Variants in ZFHX4 observed in about 807,000 individuals in gnomAD.
ZFHX4 encodes the protein zinc finger homeobox protein 4.
ZFHX4 carries 56 observed loss-of-function variants against 267.6 expected under a neutral mutation model. The ratio of observed to expected loss-of-function variants is 0.21; its 90% CI spans 0.17 to 0.26. The LOEUF (loss-of-function observed/expected upper bound fraction) is 0.26, where lower values mean the gene tolerates loss of function less well. ZFHX4 is among the 10% of genes least tolerant of loss of function. The probability of loss-of-function intolerance (pLI) is 1.00; values close to 1 mark genes in which losing one functional copy is unlikely to be tolerated. For synonymous variants in ZFHX4, 1,778 were observed against 1,665.6 expected, an observed-to-expected ratio of 1.07 and a Z score of -1.64; for missense variants, 4,332 against 4,420.0, an observed-to-expected ratio of 0.98 and a Z score of 0.56.
At chr8:76,700,864 T>C (rs557049495) in intron 1 of ZFHX4, among the ~76,000 whole-genome samples, 2 of 152,300 alleles carry the variant, frequency 1.3e-5, no homozygotes, top group African/African-American at 4.8e-5. Flanking sequence ...GAACAGAAGT[T>C]GGTGAACACT....
At chr8:76,721,791 G>A (rs1808727852) in intron 3 of ZFHX4, among the ~76,000 whole-genome samples, 1 of 152,106 alleles carries the variant, frequency 6.6e-6, no homozygotes. Context: ...ATAATGTACA[G>A]TAACAGTATA....
At chr8:76,776,869 G>A (rs888459820) in intron 3 of ZFHX4, among the ~76,000 whole-genome samples, 3 of 152,034 alleles carry the variant, frequency 2.0e-5, no homozygotes, top group African/African-American at 7.2e-5. Flanking sequence ...GTTTGGAAAG[G>A]CTCACCAGCT....
chr8:76,708,070 C>T (rs564700148), intron 3 of ZFHX4, 22 bp downstream of exon 3: 16 of 1,611,112 alleles, frequency 9.9e-6, no homozygotes, highest in East Asian at 8.9e-5. Context: ...CATCCATTTC[C>T]GTTGGCACAG....
chr8:76,751,860 G>A (rs1809622544), intron 3 of ZFHX4, among the ~76,000 whole-genome samples: 1 of 152,134 alleles, frequency 6.6e-6, no homozygotes, highest in African/African-American at 2.4e-5. Flanking sequence ...AAGAGTGGTG[G>A]TTCCAACAGT....
chr8:76,743,167 A>G (rs1809366097), intron 3 of ZFHX4, among the ~76,000 whole-genome samples: 1 of 152,230 alleles, frequency 6.6e-6, no homozygotes, highest in African/African-American at 2.4e-5. Context: ...AGAGTTTGCC[A>G]CTAACACAGC....
In ZFHX4 at chr8:76,852,664, A is replaced by G; in HGVS notation, c.5743A>G (p.Asn1915Asp). Residue 1915 changes from asparagine to aspartate, a missense_variant, in exon 10 of 11, where the codon AAC becomes GAC. Asn to Asp is a conservative substitution (Grantham distance 23). Coordinates refer to ENST00000651372, the MANE Select transcript of ZFHX4 (RefSeq NM_024721.5). Reference protein sequence around the residue: ...RGNAAKALLENFGFELVIQYN... With the variant: ...RGNAAKALLEDFGFELVIQYN... ...AAATGCTGCCAAAGCGTTATTGGAA[A>G]ACTTTGGTTTTGAACTGGTCATTCA... The G allele has an allele frequency of 1.2e-6, 2 of 1,613,846 alleles. No homozygotes were observed. The highest frequency in any genetic ancestry group is 1.7e-6 in the Non-Finnish European group (2 of 1,179,832).
rs949907565 is a variant in ZFHX4 at position 76,864,620 on chromosome 8, A to T, written c.*55A>T. ...AATAAAAAATAAAAAAATAAAAAAA[A>T]AATAAGACTTTAACTGCAGTTCCAA... On this transcript the variant is annotated 3_prime_UTR_variant, in exon 11 of 11. Coordinates refer to ENST00000651372, the MANE Select transcript of ZFHX4 (RefSeq NM_024721.5). 184 of 1,294,642 alleles carry T rather than the reference A, an allele frequency of 1.4e-4. No individual in the cohort carries two copies. The highest frequency in any genetic ancestry group is 1.8e-4 in the Non-Finnish European group (173 of 978,410). 80.2% of individuals were successfully genotyped at this position (1,294,642 alleles called of 1,614,324 possible).
intron 1 of ZFHX4, among the ~76,000 whole-genome samples, chr8:76,684,880 C>T (rs1392570169): frequency 6.6e-6 from 1 of 152,146 alleles, no homozygotes; most frequent in South Asian, 2.1e-4. Context: ...TTTAATATTG[C>T]AGAATTTACT....
chr8:76,835,240 T>TAC (rs1491199966), intron 5 of ZFHX4, among the ~76,000 whole-genome samples: 1 of 117,428 alleles, frequency 8.5e-6, no homozygotes, highest in South Asian at 2.6e-4. Flanking sequence ...TATATATATA[T>TAC]GTATATATAT....
At chr8:76,747,350 G>A (rs759213314) in intron 3 of ZFHX4, among the ~76,000 whole-genome samples, 3 of 152,010 alleles carry the variant, frequency 2.0e-5, no homozygotes, top group African/African-American at 7.2e-5. Context: ...ACTGGGGTTC[G>A]GAGTACAAAT....
chr8:76,790,074 T>C (rs1255626463), intron 4 of ZFHX4, among the ~76,000 whole-genome samples: 1 of 152,174 alleles, frequency 6.6e-6, no homozygotes, highest in East Asian at 1.9e-4. Flanking sequence ...TATTTGCATA[T>C]TGAAAAGCCT....
chr8:76,812,416 T>C (rs1244001545), intron 4 of ZFHX4, among the ~76,000 whole-genome samples: 1 of 152,188 alleles, frequency 6.6e-6, no homozygotes, highest in Non-Finnish European at 1.5e-5. Flanking sequence ...ACCTTAGCAG[T>C]GGAACTCTGA....
At chr8:76,747,825 AG>A (rs1563498735) in intron 3 of ZFHX4, among the ~76,000 whole-genome samples, 2 of 152,176 alleles carry the variant, frequency 1.3e-5, no homozygotes, top group Admixed American at 6.5e-5. Context: ...CCAGCTACTC[AG>A]GAGGCTGAAG....
chr8:76,827,963 G>C (rs189750391), intron 4 of ZFHX4, among the ~76,000 whole-genome samples: 1 of 152,178 alleles, frequency 6.6e-6, no homozygotes, highest in Admixed American at 6.5e-5. Context: ...AAGCACTACA[G>C]GTCAACAAAG....
chr8:76,780,042 G>A (rs988616568), intron 4 of ZFHX4, among the ~76,000 whole-genome samples: 3 of 143,856 alleles, frequency 2.1e-5, no homozygotes, highest in Non-Finnish European at 4.4e-5. Context: ...ATCCACCAAG[G>A]ATAAAAAGTA....
chr8:76,787,639 A>G (rs568481112), intron 4 of ZFHX4, among the ~76,000 whole-genome samples: 1,963 of 114,484 alleles, frequency 0.017, 43 homozygotes, highest in African/African-American at 0.059. Flanking sequence ...CATCTCCACT[A>G]AAAAAAAAAA....
intron 3 of ZFHX4, among the ~76,000 whole-genome samples, chr8:76,736,611 T>A (rs1429552499): frequency 1.3e-5 from 2 of 152,066 alleles, no homozygotes; most frequent in Non-Finnish European, 2.9e-5. Context: ...CTTGGAAGAA[T>A]GAGGTTAGAA....
rs1383914680 is a variant in ZFHX4 at position 76,851,608 on chromosome 8, G to C, written c.4687G>C (p.Val1563Leu). The C allele has an allele frequency of 1.2e-6, 2 of 1,613,712 alleles. No homozygotes were observed. Among genetic ancestry groups the C allele is most frequent in the Non-Finnish European group, 1.7e-6 (2 of 1,179,846 alleles). ...KNILLVHYNS[V>L]SHLHKLKKVL... is the part of the protein sequence containing the mutation. ...CATTCTCTTGGTCCACTATAATTCA[G>C]TTTCTCACTTGCATAAGCTGAAAAA... The change falls in exon 10 of 11, where the codon GTT becomes CTT. Residue 1563 changes from valine to leucine, a missense_variant. Physicochemically the swap from Val to Leu is conservative, Grantham distance 32. Transcript: ENST00000651372.
At chr8:76,813,133 T>C (rs1585971460) in intron 4 of ZFHX4, among the ~76,000 whole-genome samples, 1 of 152,144 alleles carries the variant, frequency 6.6e-6, no homozygotes. Flanking sequence ...TTTAACATGC[T>C]TTTGTATTTT....
Sources: gnomAD v4.1 joint callset for allele counts (sites outside exome capture counted in the v4.1 genomes callset) on GRCh38, gnomAD v4.1.1 for gene constraint, MANE v1.5 for transcripts, NCBI Gene and HGNC (gene_info 2026-07-23, HGNC 2026-07-21) for gene names.